SMIM5: variants seen among roughly 807,000 people sequenced by gnomAD.
SMIM5 encodes chromosome 17 open reading frame 109.
Under a neutral mutation model 4.0 loss-of-function variants are expected in SMIM5, and 4 were observed. That is an observed-to-expected ratio of 1.01 (90% CI 0.50 to 2.30). The LOEUF (loss-of-function observed/expected upper bound fraction) is 2.30. Among genes scored for constraint, SMIM5 ranks in the 30% most tolerant of loss-of-function variants. SMIM5 has a pLI of 0.02. For synonymous variants in SMIM5, 46 were observed against 43.6 expected (o/e 1.05, Z -0.22); for missense variants, 107 against 99.2 (o/e 1.08, Z -0.34).
chr17:75,636,085 A>G lies in SMIM5; in HGVS notation c.-37+1883A>G, dbSNP rs573285279. ...CAGGGCACACCCTCTGAAGGCTCCA[A>G]GCAGGGCTGGCTGGGCAGCCTGGGC... is the stretch of plus-strand genomic sequence containing the variant. On this transcript the variant is annotated intron_variant, in intron 1 of 2. Transcript: ENST00000375215. The surrounding 1 kb of genome is among the most constrained non-coding windows in gnomAD (Gnocchi z 5.4). 3.9e-5 allele frequency among the ~76,000 whole-genome samples: 6 copies of G among 152,306 alleles called. No homozygotes were observed. The South Asian group carries it at 1.0e-3, about 26-fold the overall frequency.
At chr17:75,635,689 C>T in intron 1 of SMIM5, 1 of 652,912 alleles carries the variant, frequency 1.5e-6, no homozygotes, top group Non-Finnish European at 1.9e-6. Flanking sequence ...ATGCCTCCTT[C>T]TAGGTGGACC....
Position 75,641,140 on chromosome 17 carries a change from C to G in SMIM5, c.*243C>G, listed in dbSNP as rs201078296. On this transcript the variant is annotated 3_prime_UTR_variant, in exon 3 of 3. Coordinates refer to ENST00000375215, the MANE Select transcript of SMIM5 (RefSeq NM_001162995.3). ...GCTGGGGAGTCAGCTGTTTCAAAGA[C>G]TGGGTCAACTGCCTGGGCTTCTTCG... 655 of 583,426 alleles carry G rather than the reference C, an allele frequency of 1.1e-3. 7 individuals are homozygous for G. The South Asian group carries it at 0.018, about 16-fold the overall frequency. The allele number at this position is 583,426 out of a possible 1,614,324, so 36.1% of individuals were successfully genotyped here.
In SMIM5 at chr17:75,640,294, G is replaced by A. The variant is rs2059411259; in HGVS notation, c.93G>A (p.Glu31=). 1 of 1,551,128 alleles carries A rather than the reference G, an allele frequency of 6.4e-7. No homozygotes were observed. Among genetic ancestry groups the A allele is most frequent in the Non-Finnish European group, 8.7e-7 (1 of 1,146,708 alleles). The change falls in exon 2 of 3, where the codon GAG becomes GAA. Residue 31 remains glutamate, a synonymous_variant. Coordinates refer to ENST00000375215, the MANE Select transcript of SMIM5 (RefSeq NM_001162995.3). This position sits in a 1 kb window ranked among gnomAD's most constrained non-coding sequence, Gnocchi z 4.6. The part of the protein sequence containing the change: ...LQRLPQAEPV[E]IVAFSVIILF... The stretch of plus-strand genomic sequence containing the variant: ...GACTGCCCCAGGCTGAGCCCGTGGA[G>A]ATCGTGGCCTTCTCAGTCATCATCC...
At position 75,640,116 on chromosome 17, in the gene SMIM5, G is replaced by C; in HGVS notation, c.-36-50G>C. ...GAGGGTGGAATCTCGGTGCTGCGAC[G>C]AGTGTGGGGCCAGCCGTGGAGGCTC... On this transcript the variant is annotated intron_variant, in intron 1 of 2. Transcript: ENST00000375215. This position sits in a 1 kb window ranked among gnomAD's most constrained non-coding sequence, Gnocchi z 4.6. 4 of 1,440,622 alleles carry C rather than the reference G, an allele frequency of 2.8e-6. No homozygotes were observed. The highest frequency in any genetic ancestry group is 2.5e-4 in the Middle Eastern group (1 of 3,970). 89.2% of individuals were successfully genotyped at this position (1,440,622 alleles called of 1,614,324 possible). A position where few individuals can be genotyped will look rare whatever the true frequency, so the allele number is the denominator to read the frequency against.
At chr17:75,635,386 G>A (rs917396982) in intron 1 of SMIM5, among the ~76,000 whole-genome samples, 3 of 152,188 alleles carry the variant, frequency 2.0e-5, no homozygotes, top group Non-Finnish European at 2.9e-5. Context: ...GACACGAGTG[G>A]ACAGGGTCTC....
Position 75,640,180 on chromosome 17 carries a change from CCCAACAGGAAGCCAGCG to C in SMIM5, c.-20_-4del. 6.5e-7 allele frequency: 1 copy of C among 1,536,200 alleles called. No individual in the cohort carries two copies. The highest frequency in any genetic ancestry group is 8.8e-7 in the Non-Finnish European group (1 of 1,141,078). ...TGCCCCAGCAGAGCCCGGCAGGAGCCCCAACAGGAAGCCAGCGCGGCATGGCTGCCACCGACTTCGTG... is the reference window on the plus strand; with the variant it reads ...TGCCCCAGCAGAGCCCGGCAGGAGCCCGGCATGGCTGCCACCGACTTCGTG... On this transcript the variant is annotated 5_prime_UTR_variant, in exon 2 of 3. Transcript: ENST00000375215. The surrounding 1 kb of genome is among the most constrained non-coding windows in gnomAD (Gnocchi z 4.6).
Position 75,641,023 on chromosome 17 carries a change from CCCAGGTA to C in SMIM5, c.*129_*135del. 1 of 1,449,182 alleles carries C rather than the reference CCCAGGTA, an allele frequency of 6.9e-7. No homozygotes were observed. The highest frequency in any genetic ancestry group is 1.4e-5 in the South Asian group (1 of 72,924). 89.8% of individuals were successfully genotyped at this position (1,449,182 alleles called of 1,614,324 possible). The stretch of plus-strand genomic sequence containing the variant: ...TCCCCTGGCCCCAGCTCTGGCCCAG[CCCAGGTA>C]CCTGGACACTGACAACTTGAGCCCT... On this transcript the variant is annotated 3_prime_UTR_variant, in exon 3 of 3. Coordinates refer to ENST00000375215, the MANE Select transcript of SMIM5 (RefSeq NM_001162995.3).
In SMIM5 at chr17:75,640,904, G is replaced by A. The variant is rs1056017728; in HGVS notation, c.*7G>A. 5.8e-6 allele frequency: 9 copies of A among 1,542,042 alleles called. No homozygotes were observed. In the African/African-American group the frequency reaches 1.1e-4, roughly 19 times the overall value. On this transcript the variant is annotated 3_prime_UTR_variant, in exon 3 of 3. Transcript: ENST00000375215. This position sits in a 1 kb window ranked among gnomAD's most constrained non-coding sequence, Gnocchi z 4.6. The stretch of plus-strand genomic sequence containing the variant: ...GCAGCCGACACCACCATGACGGACG[G>A]GCGATGGCTGAGGAGAAGCTGGAGA...
Position 75,633,715 on chromosome 17 carries a change from G to A in SMIM5, c.-524G>A. On this transcript the variant is annotated 5_prime_UTR_variant, in exon 1 of 3. Transcript: ENST00000375215. ...AGAAGGGGTGGCCTTCCTGAGGGCA[G>A]GGTGGGTGCCCCAGACCTGAGAGCG... is the stretch of plus-strand genomic sequence containing the variant. The A allele has an allele frequency of 8.9e-7, 1 of 1,123,132 alleles. No individual in the cohort carries two copies. The highest frequency in any genetic ancestry group is 1.1e-6 in the Non-Finnish European group (1 of 906,696). The allele number at this position is 1,123,132 out of a possible 1,614,324, so 69.6% of individuals were successfully genotyped here. A position where few individuals can be genotyped will look rare whatever the true frequency, so the allele number is the denominator to read the frequency against.
In SMIM5 at chr17:75,640,982, C is replaced by A; in HGVS notation, c.*85C>A. 5 of 1,502,970 alleles carry A rather than the reference C, an allele frequency of 3.3e-6. No homozygotes were observed. The highest frequency in any genetic ancestry group is 4.5e-6 in the Non-Finnish European group (5 of 1,123,000). The allele number at this position is 1,502,970 out of a possible 1,614,324, so 93.1% of individuals were successfully genotyped here. A position where few individuals can be genotyped will look rare whatever the true frequency, so the allele number is the denominator to read the frequency against. ...CATCAGCCTGGCCCTGCAGCCCTTA[C>A]CCCTCAAGACCAGGCTCCCCTGGCC... On this transcript the variant is annotated 3_prime_UTR_variant, in exon 3 of 3. Coordinates refer to ENST00000375215, the MANE Select transcript of SMIM5 (RefSeq NM_001162995.3). This position sits in a 1 kb window ranked among gnomAD's most constrained non-coding sequence, Gnocchi z 4.6.
chr17:75,640,285 G>T lies in SMIM5; in HGVS notation c.84G>T (p.Glu28Asp). The change falls in exon 2 of 3, where the codon GAG (glutamate) becomes GAT (aspartate). Residue 28 changes from glutamate (E) to aspartate (D), a missense_variant. Physicochemically the swap from Glu to Asp is conservative, Grantham distance 45. Coordinates refer to ENST00000375215, the MANE Select transcript of SMIM5 (RefSeq NM_001162995.3). This position sits in a 1 kb window ranked among gnomAD's most constrained non-coding sequence, Gnocchi z 4.6. ...AGCTGCAGAGACTGCCCCAGGCTGA[G>T]CCCGTGGAGATCGTGGCCTTCTCAG... ...LLKLQRLPQA[E>D]PVEIVAFSVI... The T allele has an allele frequency of 6.4e-7, 1 of 1,551,464 alleles. No homozygotes were observed. The highest frequency in any genetic ancestry group is 8.7e-7 in the Non-Finnish European group (1 of 1,146,876).
intron 1 of SMIM5, among the ~76,000 whole-genome samples, chr17:75,635,457 G>GA (rs2059303138): frequency 6.6e-6 from 1 of 152,234 alleles, no homozygotes; most frequent in Non-Finnish European, 1.5e-5. Context: ...TGTAGCTGCA[G>GA]AAAGAGCGCC....
At position 75,640,786 on chromosome 17, in the gene SMIM5, T is replaced by G; in HGVS notation, c.128-5T>G. ...TGAGTCCCGTGCTCTCTCCCGGCCC[T>G]CCAGCTACTGTTCTGCTGTTGCTGC... On this transcript the variant is annotated splice_polypyrimidine_tract_variant and splice_region_variant and intron_variant, in intron 2 of 2. Coordinates refer to ENST00000375215, the MANE Select transcript of SMIM5 (RefSeq NM_001162995.3). The surrounding 1 kb of genome is among the most constrained non-coding windows in gnomAD (Gnocchi z 4.6). The G allele has an allele frequency of 6.5e-7, 1 of 1,549,744 alleles. No homozygotes were observed. The highest frequency in any genetic ancestry group is 8.7e-7 in the Non-Finnish European group (1 of 1,146,456).
At position 75,640,890 on chromosome 17, in the gene SMIM5, C is replaced by T; in HGVS notation, c.227C>T (p.Pro76Leu). 6.5e-7 allele frequency: 1 copy of T among 1,544,998 alleles called. No individual in the cohort carries two copies. Among genetic ancestry groups the T allele is most frequent in the Non-Finnish European group, 8.7e-7 (1 of 1,146,854 alleles). ...AGGAAGGTCCAGGTGCAGCCGACAC[C>T]ACCATGACGGACGGGCGATGGCTGA... is the stretch of plus-strand genomic sequence containing the variant. The part of the protein sequence containing the change: ...RGRKVQVQPT[P>L]P The change falls in exon 3 of 3, where the codon CCA (proline) becomes CTA (leucine). Residue 76 changes from proline to leucine, a missense_variant. By Grantham distance (98) the Pro-to-Leu change is moderately conservative. Coordinates refer to ENST00000375215, the MANE Select transcript of SMIM5 (RefSeq NM_001162995.3). The surrounding 1 kb of genome is among the most constrained non-coding windows in gnomAD (Gnocchi z 4.6).
At position 75,640,835 on chromosome 17, in the gene SMIM5, A is replaced by C. The variant is rs1031765759; in HGVS notation, c.172A>C (p.Thr58Pro). The C allele has an allele frequency of 6.5e-7, 1 of 1,549,588 alleles. No individual in the cohort carries two copies. The highest frequency in any genetic ancestry group is 1.4e-5 in the African/African-American group (1 of 73,004). Reference sequence around the variant, plus strand: ...GCTGATAGCCTGCAGCTGCTGCTGCACTCACTGCTGCTGCCCTGAGCGGAG... The same window carrying C: ...GCTGATAGCCTGCAGCTGCTGCTGCCCTCACTGCTGCTGCCCTGAGCGGAG... ...LLLIACSCCC[T>P]HCCCPERRGR... Residue 58 changes from threonine to proline, a missense_variant, in exon 3 of 3, where the codon ACT becomes CCT. Coordinates refer to ENST00000375215, the MANE Select transcript of SMIM5 (RefSeq NM_001162995.3). This position sits in a 1 kb window ranked among gnomAD's most constrained non-coding sequence, Gnocchi z 4.6.
chr17:75,640,894 A>G lies in SMIM5; in HGVS notation c.231A>G (p.Pro77=), dbSNP rs1418545779. 2.6e-6 allele frequency: 4 copies of G among 1,544,204 alleles called. No individual in the cohort carries two copies. Among genetic ancestry groups the G allele is most frequent in the South Asian group, 1.2e-5 (1 of 84,058 alleles). Residue 77 remains proline (P), a synonymous_variant, in exon 3 of 3, where the codon CCA becomes CCG. Transcript: ENST00000375215. The surrounding 1 kb of genome is among the most constrained non-coding windows in gnomAD (Gnocchi z 4.6). ...GRKVQVQPTP[P] ...AGGTCCAGGTGCAGCCGACACCACC[A>G]TGACGGACGGGCGATGGCTGAGGAG...
Position 75,640,194 on chromosome 17 carries a change from AGCGCGGCATG to A in SMIM5, c.-5_5del. The A allele has an allele frequency of 6.5e-7, 1 of 1,544,096 alleles. No individual in the cohort carries two copies. The highest frequency in any genetic ancestry group is 8.7e-7 in the Non-Finnish European group (1 of 1,144,222). ...CCGGCAGGAGCCCCAACAGGAAGCC[AGCGCGGCATG>A]GCTGCCACCGACTTCGTGCAGGAGA... On this transcript the variant is annotated start_lost and 5_prime_UTR_variant, in exon 2 of 3. Coordinates refer to ENST00000375215, the MANE Select transcript of SMIM5 (RefSeq NM_001162995.3). This position sits in a 1 kb window ranked among gnomAD's most constrained non-coding sequence, Gnocchi z 4.6.
Position 75,641,054 on chromosome 17 carries a change from CTA to C in SMIM5, c.*158_*159del. On this transcript the variant is annotated 3_prime_UTR_variant, in exon 3 of 3. Coordinates refer to ENST00000375215, the MANE Select transcript of SMIM5 (RefSeq NM_001162995.3). ...TACCTGGACACTGACAACTTGAGCC[CTA>C]CCAAGGAAACAAGGGCTGGTATAGG... 7.4e-7 allele frequency: 1 copy of C among 1,343,906 alleles called. No homozygotes were observed. Among genetic ancestry groups the C allele is most frequent in the Non-Finnish European group, 9.9e-7 (1 of 1,011,604 alleles). 83.2% of individuals were successfully genotyped at this position (1,343,906 alleles called of 1,614,324 possible). A position where few individuals can be genotyped will look rare whatever the true frequency, so the allele number is the denominator to read the frequency against.
At position 75,640,737 on chromosome 17, in the gene SMIM5, G is replaced by T. The variant is rs1005784784; in HGVS notation, c.128-54G>T. 2.9e-5 allele frequency: 45 copies of T among 1,529,344 alleles called. No individual in the cohort carries two copies. In the Admixed American group the frequency reaches 7.9e-4, roughly 27 times the overall value. 94.7% of individuals were successfully genotyped at this position (1,529,344 alleles called of 1,614,324 possible). On this transcript the variant is annotated intron_variant, in intron 2 of 2. Transcript: ENST00000375215. The surrounding 1 kb of genome is among the most constrained non-coding windows in gnomAD (Gnocchi z 4.6). ...CAGTGGGTTTCTCTGGGAGGAGGGT[G>T]GGCATCCTTTCTCTCCCCCAACCTG...
Sources: gnomAD v4.1 joint callset for allele counts (sites outside exome capture counted in the v4.1 genomes callset) on GRCh38, gnomAD v4.1.1 for gene constraint, Gnocchi (gnomAD v3.1) non-coding constraint, MANE v1.5 for transcripts, NCBI Gene and HGNC (gene_info 2026-07-23, HGNC 2026-07-21) for gene names.